ARHGAP39: variants seen among roughly 807,000 people sequenced by gnomAD.
ARHGAP39 encodes rho GTPase-activating protein 39.
Under a neutral mutation model 106.9 loss-of-function variants are expected in ARHGAP39, and 44 were observed. The observed-to-expected ratio is 0.41, with a 90% CI of 0.32 to 0.53. The LOEUF (loss-of-function observed/expected upper bound fraction) is 0.53, where lower values mean the gene tolerates loss of function less well. Among genes scored for constraint, ARHGAP39 ranks in the 20% least tolerant of loss-of-function variants. The pLI is 0.21. For synonymous variants in ARHGAP39, 768 were observed against 693.2 expected (o/e 1.11, Z -1.69); for missense variants, 1,496 against 1,577.3 (o/e 0.95, Z 0.87).
Position 144,547,342 on chromosome 8 carries a change from C to T in ARHGAP39, c.1744G>A (p.Gly582Ser). Residue 582 changes from glycine to serine, a missense_variant, in exon 5 of 12, where the codon GGC (glycine) becomes AGC (serine). Transcript: ENST00000377307. This position sits in a 1 kb window ranked among gnomAD's most constrained non-coding sequence, Gnocchi z 5.2. ...GCGCCGTCGCTCTCGTAGCCAGAGC[C>T]GTCCTGCTGGGAGTCCCAGCTGCTC... ...QRSSWDSQQD[G>S]SGYESDGALP... 6.2e-7 allele frequency: 1 copy of T among 1,605,972 alleles called. No homozygotes were observed. The highest frequency in any genetic ancestry group is 8.5e-7 in the Non-Finnish European group (1 of 1,178,304).
At chr8:144,674,181 C>T (rs1186356618) in intron 1 of ARHGAP39, among the ~76,000 whole-genome samples, 2 of 152,136 alleles carry the variant, frequency 1.3e-5, no homozygotes, top group African/African-American at 4.8e-5. Context: ...TGTTGCAGCT[C>T]ATTTAGTCCC....
At chr8:144,648,392 G>A (rs1307401017) in intron 1 of ARHGAP39, among the ~76,000 whole-genome samples, 1 of 152,166 alleles carries the variant, frequency 6.6e-6, no homozygotes, top group Non-Finnish European at 1.5e-5. Context: ...AAAAGTAACT[G>A]GAGCAATCTC....
chr8:144,538,187 G>A (rs917352652), intron 6 of ARHGAP39, among the ~76,000 whole-genome samples: 11 of 152,236 alleles, frequency 7.2e-5, no homozygotes, highest in Non-Finnish European at 1.0e-4. Flanking sequence ...CCTGCCTGCC[G>A]GTCAGAAAAC....
chr8:144,596,930 C>G (rs1386796089), intron 2 of ARHGAP39, among the ~76,000 whole-genome samples: 1 of 152,212 alleles, frequency 6.6e-6, no homozygotes, highest in Non-Finnish European at 1.5e-5. Context: ...GGGCGTGTGT[C>G]CAGGCACATC....
upstream of ARHGAP39, among the ~76,000 whole-genome samples, chr8:144,688,226 C>G (rs1822672493): frequency 6.6e-6 from 1 of 151,830 alleles, no homozygotes; most frequent in South Asian, 2.1e-4. Flanking sequence ...GCCTCAACCT[C>G]TTGAGTAGTT....
At chr8:144,568,178 A>T (rs780530027) in intron 3 of ARHGAP39, among the ~76,000 whole-genome samples, 2 of 151,910 alleles carry the variant, frequency 1.3e-5, no homozygotes, top group Non-Finnish European at 2.9e-5. Context: ...CCAAAAAAAT[A>T]CAAAAATTAG....
chr8:144,621,371 A>G (rs1820803255), intron 1 of ARHGAP39, among the ~76,000 whole-genome samples: 1 of 152,250 alleles, frequency 6.6e-6, no homozygotes, highest in Admixed American at 6.5e-5. Context: ...GCAGCTTGCC[A>G]GTTCCCAGGG....
At chr8:144,677,746 C>T (rs999309853) in intron 1 of ARHGAP39, among the ~76,000 whole-genome samples, 2 of 152,196 alleles carry the variant, frequency 1.3e-5, no homozygotes, top group African/African-American at 4.8e-5. Flanking sequence ...TAGAAGGATA[C>T]ACAAGAAGCT....
At chr8:144,699,061 C>T in the ARHGAP39 span, 1 of 346,596 alleles carries the variant, frequency 2.9e-6, no homozygotes, top group Non-Finnish European at 5.7e-6. Flanking sequence ...CTGCACAGGG[C>T]GTGGGACACA....
chr8:144,599,043 C>T lies in ARHGAP39; in HGVS notation c.80+6492G>A, dbSNP rs906793665. ...CAAAGCCCAGGCTGCATGGAGACCC[C>T]AGGCACCTGCCCACACATCTGACAG... On this transcript the variant is annotated intron_variant, in intron 2 of 11. Coordinates refer to ENST00000377307, the MANE Select transcript of ARHGAP39 (RefSeq NM_025251.3). Among the ~76,000 whole-genome samples the T allele has an allele frequency of 3.0e-4, 45 of 152,346 alleles. 1 individual carries two copies. The highest frequency in any genetic ancestry group is 3.4e-3 in the Middle Eastern group (1 of 294).
intron 3 of ARHGAP39, among the ~76,000 whole-genome samples, chr8:144,563,775 C>T (rs1005267458): frequency 1.3e-5 from 2 of 151,296 alleles, no homozygotes; most frequent in South Asian, 2.1e-4. Context: ...TGGGTAACAG[C>T]GAGACCTTGT....
In ARHGAP39 at chr8:144,533,160, C is replaced by T. The variant is rs767674832; in HGVS notation, c.2854G>A (p.Ala952Thr). ...VQTRLSEEVL[A>T]LNGDQTEGIF... ...CCCTCTGTCTGGTCACCGTTGAGCGCCAGCACCTCCTCAGAGAGCCGTGTC... is the reference window on the plus strand; with the variant it reads ...CCCTCTGTCTGGTCACCGTTGAGCGTCAGCACCTCCTCAGAGAGCCGTGTC... Residue 952 changes from alanine (A) to threonine (T), a missense_variant, in exon 9 of 12, where the codon GCG becomes ACG. By Grantham distance (58) the Ala-to-Thr change is moderately conservative (BLOSUM62 0). Around this residue, in one of 4 missense-constraint regions of ARHGAP39, gnomAD observed 470 missense variants for 605.1 expected, o/e 0.78. Transcript: ENST00000377307. The T allele has an allele frequency of 4.3e-6, 7 of 1,609,674 alleles. No homozygotes were observed. In the East Asian group the frequency reaches 6.7e-5, roughly 15 times the overall value.
intron 3 of ARHGAP39, among the ~76,000 whole-genome samples, chr8:144,560,588 T>C (rs1002928356): frequency 2.0e-5 from 3 of 152,198 alleles, no homozygotes; most frequent in Non-Finnish European, 4.4e-5. Flanking sequence ...ATCTATAAGA[T>C]TGCTGTATCT....
chr8:144,567,503 G>T (rs1036728307), intron 3 of ARHGAP39, among the ~76,000 whole-genome samples: 1 of 152,050 alleles, frequency 6.6e-6, no homozygotes, highest in African/African-American at 2.4e-5. Flanking sequence ...TCCCTTTCCC[G>T]GGGGGAGTTT....
intron 3 of ARHGAP39, among the ~76,000 whole-genome samples, chr8:144,557,906 C>T (rs905302066): frequency 6.6e-6 from 1 of 152,190 alleles, no homozygotes; most frequent in East Asian, 1.9e-4. Flanking sequence ...AAAAAAACCA[C>T]AAAAGATTCA....
intron 4 of ARHGAP39, 98 bp downstream of exon 4, chr8:144,555,462 G>T: frequency 9.4e-7 from 1 of 1,061,208 alleles, no homozygotes; most frequent in Non-Finnish European, 1.5e-6. Flanking sequence ...CTGTGGTGTT[G>T]CTGCTACGCG....
intron 3 of ARHGAP39, among the ~76,000 whole-genome samples, chr8:144,558,073 G>A (rs1269850056): frequency 1.3e-5 from 2 of 152,174 alleles, no homozygotes; most frequent in Non-Finnish European, 2.9e-5. Context: ...TGGAAACCAA[G>A]CTCACCTTTA....
chr8:144,689,561 C>T (rs1236555085), upstream of ARHGAP39, among the ~76,000 whole-genome samples: 1 of 150,162 alleles, frequency 6.7e-6, no homozygotes, highest in Non-Finnish European at 1.5e-5. Context: ...CTCAGCCTCC[C>T]GAGTAGCTGG....
intron 7 of ARHGAP39, among the ~76,000 whole-genome samples, chr8:144,536,402 A>G (rs1384578184): frequency 3.9e-5 from 6 of 151,976 alleles, no homozygotes; most frequent in Non-Finnish European, 1.5e-5. Context: ...CTGGGCCGCA[A>G]TGTCCCACTG....
Sources: gnomAD v4.1 joint callset for allele counts (sites outside exome capture counted in the v4.1 genomes callset) on GRCh38, gnomAD v4.1.1 for gene constraint, gnomAD v4.1.1 regional missense constraint, Gnocchi (gnomAD v3.1) non-coding constraint, MANE v1.5 for transcripts, NCBI Gene and HGNC (gene_info 2026-07-23, HGNC 2026-07-21) for gene names.